PPIE: variants seen among roughly 807,000 people sequenced by gnomAD.
PPIE encodes the protein peptidyl-prolyl cis-trans isomerase E.
In PPIE, 20 loss-of-function variants were observed where a neutral mutation model predicts 38.4. The ratio of observed to expected loss-of-function variants is 0.52; its 90% CI spans 0.37 to 0.76. PPIE has a LOEUF of 0.76. PPIE is among the 30% of genes least tolerant of loss of function. PPIE has a pLI of 0.00. For synonymous variants in PPIE, 142 were observed against 135.7 expected, an observed-to-expected ratio of 1.05 and a Z score of -0.32; for missense variants, 322 against 385.8, an observed-to-expected ratio of 0.83 and a Z score of 1.39.
At chr1:39,749,144 A>G in intron 8 of PPIE, 56 bp downstream of exon 8, 1 of 1,513,952 alleles carries the variant, frequency 6.6e-7, no homozygotes, top group East Asian at 2.3e-5. Context: ...TGGGATGGCC[A>G]GGCAGGATGG....
At position 39,756,432 on chromosome 1, in the gene PPIE, T is replaced by C. The variant is rs1159018870; in HGVS notation, c.*3077T>C. The C allele has an allele frequency of 1.0e-6, 1 of 985,324 alleles. No individual in the cohort carries two copies. The highest frequency in any genetic ancestry group is 1.2e-6 in the Non-Finnish European group (1 of 829,944). 61.0% of individuals were successfully genotyped at this position (985,324 alleles called of 1,614,324 possible). ...CTGGCCCTGAAACGGTTACAAAGGC[T>C]GAAACCAGGGATGGCAGGCCCAGGA... On this transcript the variant is annotated 3_prime_UTR_variant, in exon 10 of 10. Coordinates refer to ENST00000324379, the MANE Select transcript of PPIE (RefSeq NM_006112.4).
chr1:39,749,139 T>C (rs1338841319), intron 8 of PPIE, 51 bp downstream of exon 8: 1 of 1,526,718 alleles, frequency 6.5e-7, no homozygotes, highest in Non-Finnish European at 8.8e-7. Flanking sequence ...AAGGGTGGGA[T>C]GGCCAGGCAG....
intron 6 of PPIE, among the ~76,000 whole-genome samples, chr1:39,745,139 C>A (rs907024032): frequency 6.6e-6 from 1 of 152,200 alleles, no homozygotes; most frequent in Non-Finnish European, 1.5e-5. Flanking sequence ...ATAACACCCC[C>A]GTGTGTGAGG....
chr1:39,760,475 T>C, downstream of PPIE: 1 of 1,614,038 alleles, frequency 6.2e-7, no homozygotes, highest in South Asian at 1.1e-5. Flanking sequence ...AGGATGACAT[T>C]GTTGCTGCTG....
rs555455059 is a variant in PPIE at position 39,741,426 on chromosome 1, C to G, written c.174+17C>G. 1 of 1,612,478 alleles carries G rather than the reference C, an allele frequency of 6.2e-7. No homozygotes were observed. The highest frequency in any genetic ancestry group is 2.2e-5 in the East Asian group (1 of 44,876). On this transcript the variant is annotated intron_variant, in intron 3 of 9. Coordinates refer to ENST00000324379, the MANE Select transcript of PPIE (RefSeq NM_006112.4). ...TTGGCAGAGGTGAGAGTCTGTGTTA[C>G]TAGTGTCTAGTCCTTGGTTTGTGAT...
rs958031335 is a variant in PPIE at position 39,755,268 on chromosome 1, T to C, written c.*1913T>C. 3.0e-6 allele frequency: 3 copies of C among 985,358 alleles called. No homozygotes were observed. The highest frequency in any genetic ancestry group is 3.6e-6 in the Non-Finnish European group (3 of 829,948). The allele number at this position is 985,358 out of a possible 1,614,324, so 61.0% of individuals were successfully genotyped here. A position where few individuals can be genotyped will look rare whatever the true frequency, so the allele number is the denominator to read the frequency against. On this transcript the variant is annotated 3_prime_UTR_variant, in exon 10 of 10. Coordinates refer to ENST00000324379, the MANE Select transcript of PPIE (RefSeq NM_006112.4). ...TGAGCTTTTGCATCTTGGATTGAGA[T>C]CTGGATGAGCCAGGAGGCAGGAGAG...
At chr1:39,753,092 T>A in intron 9 of PPIE, 40 bp downstream of exon 9, 2 of 1,612,640 alleles carry the variant, frequency 1.2e-6, no homozygotes. Context: ...ACCCAGGCCC[T>A]AGGAGCACAG....
chr1:39,762,405 T>G (rs1649117284), intron 9 of PPIE: 1 of 1,350,468 alleles, frequency 7.4e-7, no homozygotes, highest in Non-Finnish European at 9.9e-7. Flanking sequence ...ACTGGGATTC[T>G]AGGTAAAAAG....
intron 9 of PPIE, chr1:39,762,328 C>T (rs915660484): frequency 3.8e-5 from 25 of 659,040 alleles, no homozygotes; most frequent in South Asian, 1.7e-4. Context: ...GGTGAGCCAC[C>T]GCACCTGATC....
chr1:39,754,905 C>A lies in PPIE; in HGVS notation c.*1550C>A. On this transcript the variant is annotated 3_prime_UTR_variant, in exon 10 of 10. Coordinates refer to ENST00000324379, the MANE Select transcript of PPIE (RefSeq NM_006112.4). ...CAGCAACATCTAGACTAGTGTTTGA[C>A]TAAAAACTGGATACCATGGCCTAGC... 1 of 595,290 alleles carries A rather than the reference C, an allele frequency of 1.7e-6. No homozygotes were observed. The highest frequency in any genetic ancestry group is 1.4e-4 in the East Asian group (1 of 7,074). The allele number at this position is 595,290 out of a possible 1,614,324, so 36.9% of individuals were successfully genotyped here.
intron 6 of PPIE, among the ~76,000 whole-genome samples, chr1:39,744,343 C>T (rs567217364): frequency 1.3e-5 from 2 of 152,312 alleles, no homozygotes; most frequent in South Asian, 2.1e-4. Flanking sequence ...GTGTCCCTTC[C>T]TTCAACCTGT....
intron 4 of PPIE, chr1:39,742,157 T>C: frequency 5.9e-6 from 3 of 512,018 alleles, no homozygotes; most frequent in Non-Finnish European, 1.0e-5. Context: ...AGTCTCTCAC[T>C]GGCTCTCCCA....
chr1:39,760,548 G>A (rs149934999), downstream of PPIE: 142 of 1,613,954 alleles, frequency 8.8e-5, no homozygotes, highest in African/African-American at 7.5e-4. Context: ...TGGGGACTGC[G>A]TCTGGCATCA....
In PPIE at chr1:39,754,167, G is replaced by A. The variant is rs182715603; in HGVS notation, c.*812G>A. 2,754 of 785,198 alleles carry A rather than the reference G, an allele frequency of 3.5e-3. 10 individuals are homozygous for A. Among genetic ancestry groups the A allele is most frequent in the Non-Finnish European group, 4.1e-3 (2,657 of 647,338 alleles). The allele number at this position is 785,198 out of a possible 1,614,324, so 48.6% of individuals were successfully genotyped here. On this transcript the variant is annotated 3_prime_UTR_variant, in exon 10 of 10. Coordinates refer to ENST00000324379, the MANE Select transcript of PPIE (RefSeq NM_006112.4). ...TCAGGTTTTATTGGAACACAGCCAC[G>A]TCCATTTATTTACATATTGTCCATG...
intron 3 of PPIE, 31 bp from the exon 4 acceptor site, chr1:39,741,864 C>T: frequency 1.2e-6 from 2 of 1,614,102 alleles, no homozygotes; most frequent in East Asian, 2.2e-5. Flanking sequence ...GGCTGCAAGC[C>T]TAAACTTGTA....
chr1:39,743,750 T>C, intron 5 of PPIE, 74 bp from the exon 6 acceptor site: 1 of 1,231,078 alleles, frequency 8.1e-7, no homozygotes. Flanking sequence ...TCTTCCACTT[T>C]GCTGACCAAA....
chr1:39,745,696 T>G (rs1286641093), intron 7 of PPIE, 198 bp downstream of exon 7: 2 of 697,322 alleles, frequency 2.9e-6, no homozygotes, highest in Non-Finnish European at 4.5e-6. Flanking sequence ...GCTGGCTTAC[T>G]GTTTTTTAAT....
At chr1:39,757,878 T>C (rs1029727462), downstream of PPIE, 5 of 152,262 alleles carry the variant, frequency 3.3e-5, no homozygotes, top group South Asian at 2.1e-4. Flanking sequence ...TTGGTGACTA[T>C]CTGGATGATA....
chr1:39,747,174 T>C (rs1647243539), intron 7 of PPIE: 1 of 152,264 alleles, frequency 6.6e-6, no homozygotes, highest in Admixed American at 6.5e-5. Flanking sequence ...CCGTTGTATT[T>C]GGATAAATAT....
Sources: gnomAD v4.1 joint callset for allele counts (sites outside exome capture counted in the v4.1 genomes callset) on GRCh38, gnomAD v4.1.1 for gene constraint, MANE v1.5 for transcripts, NCBI Gene and HGNC (gene_info 2026-07-23, HGNC 2026-07-21) for gene names.